Variants in PTPRO observed in about 807,000 individuals in gnomAD.
PTPRO encodes the protein protein tyrosine phosphatase receptor type O.
In PTPRO, 62 loss-of-function variants were observed where a neutral mutation model predicts 145.2. The ratio of observed to expected loss-of-function variants is 0.43; its 90% CI spans 0.35 to 0.53. The LOEUF is 0.53. Among genes scored for constraint, PTPRO ranks in the 20% least tolerant of loss-of-function variants. The pLI is 0.01. For synonymous variants in PTPRO, 565 were observed against 514.7 expected (o/e 1.10, Z -1.32); for missense variants, 1,345 against 1,482.7 (o/e 0.91, Z 1.53).
chr12:15,330,807 A>G (rs191822754), intron 1 of PTPRO, among the ~76,000 whole-genome samples: 64 of 152,302 alleles, frequency 4.2e-4, no homozygotes, highest in Non-Finnish European at 2.5e-4. Flanking sequence ...TCCATGCTTA[A>G]TACATTATTT....
At chr12:15,374,168 A>T (rs1938613043) in intron 1 of PTPRO, among the ~76,000 whole-genome samples, 1 of 152,204 alleles carries the variant, frequency 6.6e-6, no homozygotes, top group Admixed American at 6.5e-5. Flanking sequence ...AGTAATATCC[A>T]TAGGAAGCAC....
intron 1 of PTPRO, among the ~76,000 whole-genome samples, chr12:15,345,609 G>C (rs1006201370): frequency 1.3e-5 from 2 of 152,056 alleles, no homozygotes; most frequent in Non-Finnish European, 2.9e-5. Context: ...GGCCTGTCGG[G>C]GGGTGGGGGG....
intron 2 of PTPRO, among the ~76,000 whole-genome samples, chr12:15,490,700 C>T (rs253858): frequency 0.02 from 3,027 of 151,936 alleles, 116 homozygotes; most frequent in East Asian, 0.14. Context: ...ATAAAGTAAG[C>T]GCCTTAACAA....
chr12:15,399,676 T>C (rs1345043050), intron 1 of PTPRO, among the ~76,000 whole-genome samples: 2 of 152,300 alleles, frequency 1.3e-5, no homozygotes, highest in Non-Finnish European at 2.9e-5. Context: ...GAAAAACATA[T>C]TGCTTAGCTT....
In PTPRO at chr12:15,337,711, A is replaced by G. The variant is rs571715630; in HGVS notation, c.75+14910A>G. 4.6e-5 allele frequency among the ~76,000 whole-genome samples: 7 copies of G among 152,362 alleles called. No individual in the cohort carries two copies. The South Asian group carries it at 1.4e-3, about 32-fold the overall frequency. On this transcript the variant is annotated intron_variant, in intron 1 of 26. Coordinates refer to ENST00000281171, the MANE Select transcript of PTPRO (RefSeq NM_030667.3). ...AAAGTTTAAAAACTGTGGTGCATCC[A>G]TACCATATAATATTATTCAGCAATG...
intron 1 of PTPRO, among the ~76,000 whole-genome samples, chr12:15,333,095 G>A (rs559306840): frequency 1.3e-5 from 2 of 152,064 alleles, no homozygotes; most frequent in Non-Finnish European, 2.9e-5. Context: ...TTCTTCCCGA[G>A]GGTGTTCCAC....
At chr12:15,552,947 G>A (rs916517957) in intron 15 of PTPRO, among the ~76,000 whole-genome samples, 2 of 151,708 alleles carry the variant, frequency 1.3e-5, no homozygotes, top group Non-Finnish European at 2.9e-5. Flanking sequence ...TTACAGGCAC[G>A]CACCACTAGG....
intron 2 of PTPRO, among the ~76,000 whole-genome samples, chr12:15,491,694 A>G (rs1451302009): frequency 6.6e-6 from 1 of 152,196 alleles, no homozygotes; most frequent in Non-Finnish European, 1.5e-5. Context: ...TGCTCCTACC[A>G]CAAAGCAAAA....
intron 2 of PTPRO, among the ~76,000 whole-genome samples, chr12:15,493,382 T>A (rs1028623380): frequency 5.9e-5 from 9 of 151,938 alleles, no homozygotes; most frequent in Non-Finnish European, 1.2e-4. Flanking sequence ...AAAAGGTGAA[T>A]CTAGAGGAAA....
intron 1 of PTPRO, among the ~76,000 whole-genome samples, chr12:15,324,148 T>C (rs186086028): frequency 1.4e-4 from 21 of 152,352 alleles, no homozygotes; most frequent in African/African-American, 4.6e-4. Context: ...TGTCTATTAG[T>C]CGTTTTCTAA....
intron 1 of PTPRO, among the ~76,000 whole-genome samples, chr12:15,345,564 C>T (rs1057336593): frequency 3.9e-5 from 6 of 151,938 alleles, no homozygotes; most frequent in Non-Finnish European, 8.8e-5. Context: ...ACAATGAGAA[C>T]ATATGGACAC....
rs371886297 is a variant in PTPRO, at chr12:15,516,834, C to T, written c.1657C>T (p.Pro553Ser). ...PTAVVLSWTRPYLGVFRKYVV... is the reference protein window; with the variant it reads ...PTAVVLSWTRSYLGVFRKYVV... ...GGCCGTGGTTCTGAGCTGGACCAGA[C>T]CTTATTTAGGCGTGTTCAGAAAATA... The change falls in exon 9 of 27, where the codon CCT becomes TCT. Residue 553 changes from proline to serine, a missense_variant. By Grantham distance (74) the Pro-to-Ser change is moderately conservative. Around this residue, in one of 3 missense-constraint regions of PTPRO, gnomAD observed 1,130 missense variants for 1,214.7 expected, o/e 0.93. Transcript: ENST00000281171. 35 of 1,612,204 alleles carry T rather than the reference C, an allele frequency of 2.2e-5. No homozygotes were observed. The highest frequency in any genetic ancestry group is 3.0e-5 in the Non-Finnish European group (35 of 1,178,242).
At chr12:15,392,043 C>G (rs1386250964) in intron 1 of PTPRO, among the ~76,000 whole-genome samples, 1 of 152,208 alleles carries the variant, frequency 6.6e-6, no homozygotes, top group Non-Finnish European at 1.5e-5. Context: ...TTCAATTATT[C>G]TGGTTCTAAA....
At chr12:15,453,376 C>T (rs796229449) in intron 1 of PTPRO, among the ~76,000 whole-genome samples, 22 of 152,124 alleles carry the variant, frequency 1.4e-4, no homozygotes, top group East Asian at 3.9e-4. Context: ...CCTAATTGCC[C>T]GGAGAATTTA....
At chr12:15,421,246 T>G (rs1468066861) in intron 1 of PTPRO, among the ~76,000 whole-genome samples, 1 of 152,232 alleles carries the variant, frequency 6.6e-6, no homozygotes, top group Non-Finnish European at 1.5e-5. Context: ...TTTAACTTAC[T>G]TATTTTCCTA....
At chr12:15,546,540 A>AT (rs753319132) in intron 12 of PTPRO, 29 bp from the exon 13 acceptor site, 52 of 1,555,450 alleles carry the variant, frequency 3.3e-5, no homozygotes, top group Non-Finnish European at 4.4e-5. Flanking sequence ...AGTAAATTAA[A>AT]TTTTTTTTAA....
chr12:15,374,809 G>T (rs986751556), intron 1 of PTPRO, among the ~76,000 whole-genome samples: 2 of 152,148 alleles, frequency 1.3e-5, no homozygotes, highest in Non-Finnish European at 2.9e-5. Context: ...ATCCATAGAG[G>T]TCTTTGTAAA....
chr12:15,355,451 T>A (rs1202683072), intron 1 of PTPRO, among the ~76,000 whole-genome samples: 2 of 152,204 alleles, frequency 1.3e-5, no homozygotes, highest in African/African-American at 2.4e-5. Flanking sequence ...TGGGCAATTT[T>A]AGTTCCCACT....
At chr12:15,464,072 A>G (rs943476654) in intron 1 of PTPRO, among the ~76,000 whole-genome samples, 2 of 152,238 alleles carry the variant, frequency 1.3e-5, no homozygotes, top group African/African-American at 4.8e-5. Flanking sequence ...TTTTATATAC[A>G]GAACTAACTA....
Sources: allele counts gnomAD v4.1 joint callset (sites outside exome capture counted in the v4.1 genomes callset), GRCh38; gene constraint gnomAD v4.1.1; regional missense constraint gnomAD v4.1.1; transcripts MANE v1.5; gene names NCBI Gene and HGNC (gene_info 2026-07-23, HGNC 2026-07-21).